Variants in BNC2 observed in about 807,000 individuals in gnomAD.
BNC2 encodes the protein zinc finger protein basonuclin-2.
A neutral mutation model predicts 76.3 loss-of-function variants in BNC2; 20 were observed. The ratio of observed to expected loss-of-function variants is 0.26; its 90% CI spans 0.18 to 0.38. The LOEUF (loss-of-function observed/expected upper bound fraction) is 0.38, where lower values mean the gene tolerates loss of function less well. Among genes scored for constraint, BNC2 ranks in the 10% least tolerant of loss-of-function variants. The pLI is 1.00. For synonymous variants in BNC2, 582 were observed against 514.8 expected, an observed-to-expected ratio of 1.13 and a Z score of -1.77; for missense variants, 1,382 against 1,399.8, an observed-to-expected ratio of 0.99 and a Z score of 0.20.
chr9:16,863,907 G>A (rs1819473420), intron 1 of BNC2, among the ~76,000 whole-genome samples: 1 of 152,026 alleles, frequency 6.6e-6, no homozygotes. Flanking sequence ...CAGTAAAAAC[G>A]GTTCTCCTAG....
At chr9:16,505,040 G>C (rs905723621) in intron 5 of BNC2, among the ~76,000 whole-genome samples, 1 of 152,220 alleles carries the variant, frequency 6.6e-6, no homozygotes, top group Non-Finnish European at 1.5e-5. Flanking sequence ...CACTCACAAC[G>C]TAAGTTGAGG....
At chr9:16,628,634 G>C (rs974115683) in intron 3 of BNC2, among the ~76,000 whole-genome samples, 53 of 151,774 alleles carry the variant, frequency 3.5e-4, no homozygotes, top group African/African-American at 1.1e-3. Context: ...CACACACGCA[G>C]AGCAATTCGC....
chr9:16,735,951 A>C (rs575593044), intron 2 of BNC2, among the ~76,000 whole-genome samples: 1 of 151,934 alleles, frequency 6.6e-6, no homozygotes. Flanking sequence ...ATCATGTTGC[A>C]GGCCAGGTGC....
chr9:16,592,562 A>T (rs537645018), intron 3 of BNC2, among the ~76,000 whole-genome samples: 2 of 152,236 alleles, frequency 1.3e-5, no homozygotes, highest in South Asian at 4.1e-4. Flanking sequence ...AAGGGCATGG[A>T]GTTTCTTTTT....
intron 3 of BNC2, among the ~76,000 whole-genome samples, chr9:16,644,050 G>C (rs2133878827): frequency 6.6e-6 from 1 of 152,312 alleles, no homozygotes; most frequent in African/African-American, 2.4e-5. Context: ...CTTTCAGGAA[G>C]TCAAAGCAGA....
rs1563773782 is a variant in BNC2, at chr9:16,418,686, G to GCA, written c.*302_*303insTG. ...ACACTGTGTGTGTGTGTGTGTGTGT[G>GCA]TGTGTATGTGCATGTGTGTGTGTGT... On this transcript the variant is annotated 3_prime_UTR_variant, in exon 7 of 7. Coordinates refer to ENST00000380672, the MANE Select transcript of BNC2 (RefSeq NM_017637.6). The GCA allele has an allele frequency of 1.4e-4, 47 of 330,506 alleles. No individual in the cohort carries two copies. The highest frequency in any genetic ancestry group is 9.6e-4 in the African/African-American group (40 of 41,780). The allele number at this position is 330,506 out of a possible 1,614,324, so 20.5% of individuals were successfully genotyped here.
At chr9:16,690,760 A>C (rs372480010) in intron 3 of BNC2, among the ~76,000 whole-genome samples, 1 of 152,252 alleles carries the variant, frequency 6.6e-6, no homozygotes, top group Non-Finnish European at 1.5e-5. Flanking sequence ...CTATAGGATC[A>C]GCATAAGATA....
intron 5 of BNC2, among the ~76,000 whole-genome samples, chr9:16,535,464 A>C (rs1818101729): frequency 1.3e-5 from 2 of 152,140 alleles, no homozygotes; most frequent in African/African-American, 2.4e-5. Context: ...CCTGGAATCA[A>C]CCTATGAGCA....
chr9:16,575,427 C>A, intron 4 of BNC2: 1 of 985,300 alleles, frequency 1.0e-6, no homozygotes. Context: ...AAAAGAAAAT[C>A]TGGGGAGCTA....
intron 2 of BNC2, among the ~76,000 whole-genome samples, chr9:16,732,419 T>C (rs1316586841): frequency 6.6e-6 from 1 of 152,208 alleles, no homozygotes; most frequent in African/African-American, 2.4e-5. Flanking sequence ...ATATATATGA[T>C]TTTATGATGA....
chr9:16,761,217 C>T (rs1825543152), intron 1 of BNC2, among the ~76,000 whole-genome samples: 1 of 152,086 alleles, frequency 6.6e-6, no homozygotes, highest in South Asian at 2.1e-4. Context: ...CACTGCACTC[C>T]AGCCTGGCAG....
At chr9:16,662,175 T>C (rs771692103) in intron 3 of BNC2, among the ~76,000 whole-genome samples, 4 of 152,218 alleles carry the variant, frequency 2.6e-5, no homozygotes, top group Non-Finnish European at 4.4e-5. Context: ...TGAGTCTACT[T>C]TGTGTACTCA....
intron 3 of BNC2, among the ~76,000 whole-genome samples, chr9:16,701,702 A>G (rs4111334): frequency 0.61 from 92,141 of 151,410 alleles, 31,172 homozygotes; most frequent in Non-Finnish European, 0.79. Context: ...AGCACTTTGG[A>G]AGGCTGAGGG....
intron 3 of BNC2, among the ~76,000 whole-genome samples, chr9:16,630,134 T>A (rs1238628276): frequency 6.6e-6 from 1 of 152,202 alleles, no homozygotes; most frequent in East Asian, 1.9e-4. Flanking sequence ...TATGCCTATG[T>A]TCAAGCCTGA....
intron 2 of BNC2, among the ~76,000 whole-genome samples, chr9:16,733,190 G>C (rs1175075555): frequency 1.3e-5 from 2 of 152,110 alleles, no homozygotes; most frequent in African/African-American, 2.4e-5. Context: ...ACATCTGTTG[G>C]GCTGTGTGAA....
intron 3 of BNC2, among the ~76,000 whole-genome samples, chr9:16,717,759 AG>A (rs1342322523): frequency 1.3e-5 from 2 of 152,206 alleles, no homozygotes; most frequent in Non-Finnish European, 2.9e-5. Flanking sequence ...TTGAGAAAAG[AG>A]TATCTCAAAG....
At chr9:16,636,751 C>G (rs184043455) in intron 3 of BNC2, among the ~76,000 whole-genome samples, 17 of 152,194 alleles carry the variant, frequency 1.1e-4, no homozygotes, top group African/African-American at 3.9e-4. Flanking sequence ...TCTTTTATTT[C>G]TTCCTTTTTT....
At chr9:16,847,653 T>C (rs1023172703) in intron 1 of BNC2, among the ~76,000 whole-genome samples, 3 of 152,160 alleles carry the variant, frequency 2.0e-5, no homozygotes, top group Non-Finnish European at 4.4e-5. Context: ...TATATCAAGA[T>C]ATCCCCAAAC....
At chr9:16,602,700 A>G (rs1820276793) in intron 3 of BNC2, among the ~76,000 whole-genome samples, 1 of 152,192 alleles carries the variant, frequency 6.6e-6, no homozygotes, top group Non-Finnish European at 1.5e-5. Context: ...TGCAACCACC[A>G]ACTTACTGTA....
Sources: gnomAD v4.1 joint callset for allele counts (sites outside exome capture counted in the v4.1 genomes callset) on GRCh38, gnomAD v4.1.1 for gene constraint, MANE v1.5 for transcripts, NCBI Gene and HGNC (gene_info 2026-07-23, HGNC 2026-07-21) for gene names.